Variants in NFIA observed in about 807,000 individuals in gnomAD.
NFIA encodes nuclear factor I A, also known as nuclear factor 1 A-type.
A neutral mutation model predicts 62.8 loss-of-function variants in NFIA; 8 were observed. That is an observed-to-expected ratio of 0.13 (90% CI 0.07 to 0.23). The LOEUF (loss-of-function observed/expected upper bound fraction) is 0.23. Among genes scored for constraint, NFIA ranks in the 10% least tolerant of loss-of-function variants. The pLI is 1.00. For missense variants in NFIA, 410 were observed against 642.1 expected (o/e 0.64, Z 3.91); for synonymous variants, 235 against 238.1 (o/e 0.99, Z 0.12).
rs181768079 is a variant in NFIA, at chr1:61,196,463, T to G, written c.560-81057T>G. 2.0e-3 allele frequency among the ~76,000 whole-genome samples: 310 copies of G among 152,348 alleles called. 1 individual carries two copies. The highest frequency in any genetic ancestry group is 0.01 in the Middle Eastern group (3 of 294). ...TAATATATTTTCTTTTAGTTTTCTC[T>G]GCTACTCTTAAGGGTACATGTAAAT... On this transcript the variant is annotated intron_variant, in intron 2 of 10. Coordinates refer to ENST00000403491, the MANE Select transcript of NFIA (RefSeq NM_001134673.4).
intron 6 of NFIA, among the ~76,000 whole-genome samples, chr1:61,379,402 C>CTTT (rs60735193): frequency 7.7e-4 from 76 of 98,194 alleles, no homozygotes; most frequent in Middle Eastern, 7.4e-3. Flanking sequence ...TTTTCTTTTT[C>CTTT]TTTTTTTTTT....
intron 2 of NFIA, among the ~76,000 whole-genome samples, chr1:61,134,569 C>G: frequency 6.6e-6 from 1 of 152,098 alleles, no homozygotes; most frequent in South Asian, 2.1e-4. Flanking sequence ...GACTTAGAGT[C>G]TTTTAGTTAT....
chr1:61,117,333 A>C (rs1459910155), intron 2 of NFIA, among the ~76,000 whole-genome samples: 1 of 152,180 alleles, frequency 6.6e-6, no homozygotes, highest in Non-Finnish European at 1.5e-5. Flanking sequence ...TGATGGAAGA[A>C]TGAGCCCCAG....
At chr1:61,309,263 T>C (rs1202827478) in intron 3 of NFIA, among the ~76,000 whole-genome samples, 1 of 152,038 alleles carries the variant, frequency 6.6e-6, no homozygotes. Flanking sequence ...GTGACGTGTG[T>C]CCTACGAATC....
upstream of NFIA, chr1:61,081,776 C>G (rs1646098561): frequency 1.6e-6 from 2 of 1,231,324 alleles, no homozygotes. Context: ...GCCACAGGAC[C>G]GAAGCTGCAC....
At chr1:61,448,574 C>T (rs1054741231) in intron 10 of NFIA, among the ~76,000 whole-genome samples, 5 of 152,302 alleles carry the variant, frequency 3.3e-5, no homozygotes, top group African/African-American at 1.2e-4. Context: ...GTTGTTACCT[C>T]CATTTCATGG....
At chr1:61,217,831 C>T (rs958499140) in intron 2 of NFIA, among the ~76,000 whole-genome samples, 1 of 152,196 alleles carries the variant, frequency 6.6e-6, no homozygotes, top group African/African-American at 2.4e-5. Flanking sequence ...CTGAGCTCTG[C>T]CACTTAAGAA....
rs1668551805 is a variant in NFIA, at chr1:61,462,024, G to GGT, written c.*6704_*6705insGT. 1 of 73,206 alleles carries GGT rather than the reference G, an allele frequency of 1.4e-5. No homozygotes were observed. Among genetic ancestry groups the GGT allele is most frequent in the Non-Finnish European group, 2.5e-5 (1 of 40,492 alleles). 4.5% of individuals were successfully genotyped at this position (73,206 alleles called of 1,614,324 possible). A position where few individuals can be genotyped will look rare whatever the true frequency, so the allele number is the denominator to read the frequency against. Reference sequence around the variant, plus strand: ...ATAGTCTGTAAGTTAGCCTTTTTGGGTTTTTTTTTTTTTTTTTTGGCTTTT... The same window carrying GGT: ...ATAGTCTGTAAGTTAGCCTTTTTGGGGTTTTTTTTTTTTTTTTTTTGGCTTTT... On this transcript the variant is annotated 3_prime_UTR_variant, in exon 11 of 11. Transcript: ENST00000403491.
intron 2 of NFIA, among the ~76,000 whole-genome samples, chr1:61,095,988 A>C (rs561126627): frequency 2.2e-4 from 33 of 152,212 alleles, no homozygotes; most frequent in African/African-American, 7.7e-4. Context: ...ATCTATTTCT[A>C]ACTTCCCCTA....
At chr1:61,263,690 A>G (rs1207200809) in intron 2 of NFIA, among the ~76,000 whole-genome samples, 1 of 152,120 alleles carries the variant, frequency 6.6e-6, no homozygotes, top group Admixed American at 6.5e-5. Flanking sequence ...GGAAGTAGCT[A>G]CTCTCAAAAA....
At chr1:61,239,536 T>A (rs1655210908) in intron 2 of NFIA, among the ~76,000 whole-genome samples, 1 of 152,172 alleles carries the variant, frequency 6.6e-6, no homozygotes, top group African/African-American at 2.4e-5. Flanking sequence ...ATTAGAATTA[T>A]CCTTGAAAAA....
At chr1:61,301,494 A>G (rs985641639) in intron 3 of NFIA, among the ~76,000 whole-genome samples, 3 of 152,168 alleles carry the variant, frequency 2.0e-5, no homozygotes, top group African/African-American at 7.2e-5. Flanking sequence ...AAGAACTGAT[A>G]TTTTCTTAAG....
chr1:61,222,346 T>G (rs17377148), intron 2 of NFIA, among the ~76,000 whole-genome samples: 6,924 of 152,214 alleles, frequency 0.045, 226 homozygotes, highest in Non-Finnish European at 0.069. Flanking sequence ...GTTATACCGT[T>G]TAGAGTCTTG....
rs75369127 is a variant in NFIA at position 61,297,954 on chromosome 1, G to A, written c.625+20369G>A. ...AAGTTTATGATGAGCTTGGATAATCGCCAAGTAGTGTGGTATGGCCTTTGC... is the reference window on the plus strand; with the variant it reads ...AAGTTTATGATGAGCTTGGATAATCACCAAGTAGTGTGGTATGGCCTTTGC... On this transcript the variant is annotated intron_variant, in intron 3 of 10. Transcript: ENST00000403491. 3.4e-3 allele frequency among the ~76,000 whole-genome samples: 511 copies of A among 152,250 alleles called. 2 individuals carry two copies. Among genetic ancestry groups the A allele is most frequent in the African/African-American group, 0.012 (490 of 41,536 alleles).
At chr1:61,390,628 A>G (rs906775879) in intron 7 of NFIA, among the ~76,000 whole-genome samples, 1 of 152,220 alleles carries the variant, frequency 6.6e-6, no homozygotes, top group African/African-American at 2.4e-5. Flanking sequence ...GCAGAGAATT[A>G]TGAGAATTAA....
intron 3 of NFIA, among the ~76,000 whole-genome samples, chr1:61,326,988 C>T (rs1411789226): frequency 2.6e-5 from 4 of 151,076 alleles, no homozygotes; most frequent in South Asian, 4.2e-4. Flanking sequence ...GTACTCTGAA[C>T]GTTCTGTGGG....
chr1:61,272,850 C>G (rs1406546664), intron 2 of NFIA, among the ~76,000 whole-genome samples: 1 of 152,160 alleles, frequency 6.6e-6, no homozygotes, highest in Admixed American at 6.6e-5. Flanking sequence ...TTATTTCTTT[C>G]ACTAATATTT....
chr1:61,382,884 A>G (rs1034681670), intron 6 of NFIA, among the ~76,000 whole-genome samples: 8 of 152,210 alleles, frequency 5.3e-5, no homozygotes, highest in African/African-American at 1.7e-4. Context: ...TGAAGTCTTC[A>G]TAAGCATACA....
chr1:61,160,706 A>G (rs773123565), intron 2 of NFIA, among the ~76,000 whole-genome samples: 5 of 152,184 alleles, frequency 3.3e-5, no homozygotes. Flanking sequence ...GTAGCCCACA[A>G]ACGCTGACTA....
Sources: gnomAD v4.1 joint callset for allele counts (sites outside exome capture counted in the v4.1 genomes callset) on GRCh38, gnomAD v4.1.1 for gene constraint, MANE v1.5 for transcripts, NCBI Gene and HGNC (gene_info 2026-07-23, HGNC 2026-07-21) for gene names.